Variants in LINGO2 observed in about 807,000 individuals in gnomAD.
LINGO2 encodes leucine rich repeat and Ig domain containing 2, also known as leucine-rich repeat and immunoglobulin-like domain-containing nogo receptor-interacting protein 2.
LINGO2 carries 14 observed loss-of-function variants against 30.6 expected under a neutral mutation model. The observed-to-expected ratio is 0.46, with a 90% confidence interval of 0.30 to 0.72. LINGO2 has a LOEUF of 0.72. Among genes scored for constraint, LINGO2 ranks in the 30% least tolerant of loss-of-function variants. The pLI, the probability that LINGO2 is intolerant of heterozygous loss-of-function variation, is 0.07. For missense variants in LINGO2, 729 were observed against 751.7 expected (o/e 0.97, Z 0.35); for synonymous variants, 317 against 288.5 (o/e 1.10, Z -1.00).
chr9:29,062,922 ACTC>A, the LINGO2 span, among the ~76,000 whole-genome samples: 2 of 151,848 alleles, frequency 1.3e-5, no homozygotes, highest in African/African-American at 4.8e-5. Flanking sequence ...CTACCATCTC[ACTC>A]CCTGACCTGG....
At chr9:28,290,265 T>TAAGTATTGGTCTTACTGGC (rs1823672425) in intron 4 of LINGO2, among the ~76,000 whole-genome samples, 1 of 152,182 alleles carries the variant, frequency 6.6e-6, no homozygotes, top group Non-Finnish European at 1.5e-5. Context: ...AGCGCTGTAT[T>TAAGTATTGGTCTTACTGGC]AAGTATTGGT....
At chr9:29,146,678 G>C in the LINGO2 span, among the ~76,000 whole-genome samples, 6 of 152,134 alleles carry the variant, frequency 3.9e-5, no homozygotes, top group Non-Finnish European at 8.8e-5. Flanking sequence ...ACTCTACTAA[G>C]TTAGGGAAGA....
the LINGO2 span, among the ~76,000 whole-genome samples, chr9:28,778,697 A>G: frequency 6.6e-6 from 1 of 152,126 alleles, no homozygotes; most frequent in Non-Finnish European, 1.5e-5. Context: ...CAAGGTTAGA[A>G]TTTTTCAACT....
chr9:28,237,423 C>T (rs1821613284), intron 4 of LINGO2, among the ~76,000 whole-genome samples: 1 of 151,910 alleles, frequency 6.6e-6, no homozygotes, highest in African/African-American at 2.4e-5. Context: ...AATAAAATGG[C>T]AGGAGTAAGT....
the LINGO2 span, among the ~76,000 whole-genome samples, chr9:29,007,195 G>A: frequency 6.6e-6 from 1 of 151,996 alleles, no homozygotes; most frequent in African/African-American, 2.4e-5. Flanking sequence ...GTGAAACTAT[G>A]GACTTGATAC....
At chr9:29,059,162 T>C in the LINGO2 span, among the ~76,000 whole-genome samples, 1 of 151,804 alleles carries the variant, frequency 6.6e-6, no homozygotes, top group African/African-American at 2.4e-5. Context: ...ACATATGCAA[T>C]ATTAATAGAT....
intron 1 of LINGO2, among the ~76,000 whole-genome samples, chr9:28,569,713 G>A (rs754306680): frequency 6.6e-6 from 1 of 151,608 alleles, no homozygotes; most frequent in Non-Finnish European, 1.5e-5. Flanking sequence ...CATACAGCAT[G>A]GTTACTATAG....
the LINGO2 span, among the ~76,000 whole-genome samples, chr9:28,781,404 A>T: frequency 1.3e-5 from 2 of 152,186 alleles, no homozygotes; most frequent in Admixed American, 1.3e-4. Context: ...TGTGGTGAAG[A>T]GGAAGACAGG....
chr9:28,711,505 A>G, the LINGO2 span, among the ~76,000 whole-genome samples: 1 of 152,100 alleles, frequency 6.6e-6, no homozygotes, highest in African/African-American at 2.4e-5. Flanking sequence ...AAGCCCCACC[A>G]CACTCCCTGA....
At chr9:28,327,030 C>G (rs557288559) in intron 3 of LINGO2, among the ~76,000 whole-genome samples, 3 of 152,128 alleles carry the variant, frequency 2.0e-5, no homozygotes. Context: ...AAGAGGTGGC[C>G]ATTTGGGAAG....
At chr9:27,981,854 G>C (rs969072729) in intron 5 of LINGO2, among the ~76,000 whole-genome samples, 1 of 151,732 alleles carries the variant, frequency 6.6e-6, no homozygotes, top group Admixed American at 6.6e-5. Flanking sequence ...CTGACTATTT[G>C]GATACAGTGT....
chr9:28,451,843 T>C (rs1460413314), intron 2 of LINGO2, among the ~76,000 whole-genome samples: 1 of 151,686 alleles, frequency 6.6e-6, no homozygotes, highest in Non-Finnish European at 1.5e-5. Flanking sequence ...CTGTCTTTTA[T>C]AAAATTCCAA....
the LINGO2 span, among the ~76,000 whole-genome samples, chr9:28,700,249 C>T: frequency 6.6e-6 from 1 of 152,002 alleles, no homozygotes; most frequent in African/African-American, 2.4e-5. Context: ...AAAGAGCCTA[C>T]ATTGAAATAC....
At chr9:29,054,414 T>C in the LINGO2 span, among the ~76,000 whole-genome samples, 1 of 152,220 alleles carries the variant, frequency 6.6e-6, no homozygotes, top group Non-Finnish European at 1.5e-5. Context: ...CAAGTTTCTT[T>C]GGATTTTGTA....
chr9:28,630,531 C>G (rs1361902744), intron 1 of LINGO2, among the ~76,000 whole-genome samples: 1 of 152,018 alleles, frequency 6.6e-6, no homozygotes, highest in East Asian at 1.9e-4. Flanking sequence ...TGATACAACT[C>G]AAGCTTCTGA....
the LINGO2 span, among the ~76,000 whole-genome samples, chr9:29,156,088 T>G: frequency 3.9e-5 from 6 of 152,152 alleles, no homozygotes; most frequent in African/African-American, 1.4e-4. Context: ...TCTTGTTTTA[T>G]CTACTGCTAC....
intron 2 of LINGO2, among the ~76,000 whole-genome samples, chr9:28,451,199 G>A (rs2135071591): frequency 6.6e-6 from 1 of 151,784 alleles, no homozygotes; most frequent in East Asian, 1.9e-4. Flanking sequence ...TGGGTATAAT[G>A]TTTCAATAAT....
rs535118382 is a variant in LINGO2 at position 28,043,247 on chromosome 9, G to A, written c.-86-30842C>T. 7.2e-5 allele frequency among the ~76,000 whole-genome samples: 11 copies of A among 152,312 alleles called. No homozygotes were observed. In the South Asian group the frequency reaches 2.3e-3, roughly 32 times the overall value. On this transcript the variant is annotated intron_variant, in intron 4 of 5. Transcript: ENST00000379992. ...ACTTCCTCAGACACATGATAAAACT[G>A]CGGTAAGAAGTGGAATAACAAGGCT...
chr9:28,185,389 T>C (rs1241374595), intron 4 of LINGO2, among the ~76,000 whole-genome samples: 4 of 152,172 alleles, frequency 2.6e-5, no homozygotes, highest in African/African-American at 9.7e-5. Context: ...ATATGTTTCC[T>C]AGAATATTCA....
Sources: gnomAD v4.1 joint callset for allele counts (sites outside exome capture counted in the v4.1 genomes callset) on GRCh38, gnomAD v4.1.1 for gene constraint, MANE v1.5 for transcripts, NCBI Gene and HGNC (gene_info 2026-07-23, HGNC 2026-07-21) for gene names.